UBE2E2: variants seen among roughly 807,000 people sequenced by gnomAD.
UBE2E2 encodes the protein ubiquitin conjugating enzyme E2 E2.
UBE2E2 carries 6 observed loss-of-function variants against 24.7 expected under a neutral mutation model. That is an observed-to-expected ratio of 0.24 (90% CI 0.13 to 0.48). The LOEUF (loss-of-function observed/expected upper bound fraction) is 0.48. UBE2E2 is among the 20% of genes least tolerant of loss of function. UBE2E2 has a pLI of 0.99. For missense variants in UBE2E2, 169 were observed against 245.0 expected (o/e 0.69, Z 2.07); for synonymous variants, 104 against 83.6 (o/e 1.24, Z -1.33).
At chr3:23,560,669 T>C (rs1193076899) in intron 5 of UBE2E2, among the ~76,000 whole-genome samples, 2 of 152,090 alleles carry the variant, frequency 1.3e-5, no homozygotes, top group African/African-American at 4.8e-5. Flanking sequence ...TTGAACTAGT[T>C]TACAGTCCCA....
At chr3:23,392,456 T>C (rs1696961346) in intron 3 of UBE2E2, among the ~76,000 whole-genome samples, 2 of 152,058 alleles carry the variant, frequency 1.3e-5, no homozygotes, top group Non-Finnish European at 2.9e-5. Flanking sequence ...TAGCCTTGGG[T>C]GAACTGTTGA....
intron 3 of UBE2E2, among the ~76,000 whole-genome samples, chr3:23,357,539 C>G (rs1695992733): frequency 6.6e-6 from 1 of 152,030 alleles, no homozygotes; most frequent in Non-Finnish European, 1.5e-5. Flanking sequence ...ATCCTACTGT[C>G]TTAAAATGGT....
intron 4 of UBE2E2, among the ~76,000 whole-genome samples, chr3:23,513,965 T>G (rs1483078033): frequency 6.6e-6 from 1 of 152,224 alleles, no homozygotes; most frequent in Non-Finnish European, 1.5e-5. Flanking sequence ...TTCACATCTT[T>G]AACTGTCAGT....
chr3:23,322,738 T>C (rs1434330708), intron 3 of UBE2E2, among the ~76,000 whole-genome samples: 2 of 152,056 alleles, frequency 1.3e-5, no homozygotes, highest in African/African-American at 4.8e-5. Context: ...ACAAAAACCA[T>C]AATACTTCCA....
intron 3 of UBE2E2, among the ~76,000 whole-genome samples, 197 bp downstream of exon 3, chr3:23,217,509 G>C (rs1343558652): frequency 6.6e-6 from 1 of 152,128 alleles, no homozygotes; most frequent in Non-Finnish European, 1.5e-5. Context: ...TATGTTTGTA[G>C]TGGTTGAACG....
chr3:23,380,479 A>G (rs1055729791), intron 3 of UBE2E2, among the ~76,000 whole-genome samples: 1 of 152,058 alleles, frequency 6.6e-6, no homozygotes, highest in African/African-American at 2.4e-5. Flanking sequence ...TCCCGCCTCC[A>G]CCTGCCAGTG....
chr3:23,319,468 C>A (rs1321771639), intron 3 of UBE2E2, among the ~76,000 whole-genome samples: 2 of 152,044 alleles, frequency 1.3e-5, no homozygotes, highest in Non-Finnish European at 2.9e-5. Flanking sequence ...GATTGTGTGC[C>A]AGATACTATT....
At chr3:23,427,074 C>T (rs1697943390) in intron 3 of UBE2E2, among the ~76,000 whole-genome samples, 1 of 151,732 alleles carries the variant, frequency 6.6e-6, no homozygotes. Flanking sequence ...AAGTAGGCTT[C>T]GATTAGTTTT....
intron 5 of UBE2E2, among the ~76,000 whole-genome samples, chr3:23,568,065 A>G (rs1185967750): frequency 6.6e-6 from 1 of 152,208 alleles, no homozygotes; most frequent in Non-Finnish European, 1.5e-5. Context: ...GACAGCACCC[A>G]TGTGACTCAC....
At chr3:23,228,354 T>G (rs768444151) in intron 3 of UBE2E2, among the ~76,000 whole-genome samples, 4 of 152,178 alleles carry the variant, frequency 2.6e-5, no homozygotes, top group Non-Finnish European at 5.9e-5. Flanking sequence ...CAGAACATTT[T>G]ATTATTGAGT....
intron 3 of UBE2E2, among the ~76,000 whole-genome samples, chr3:23,381,708 G>C (rs1696675568): frequency 6.6e-6 from 1 of 152,190 alleles, no homozygotes; most frequent in South Asian, 2.1e-4. Flanking sequence ...AGTAACTGCT[G>C]ATAACTTTTT....
chr3:23,568,007 G>T (rs947860960), intron 5 of UBE2E2, among the ~76,000 whole-genome samples: 1 of 152,152 alleles, frequency 6.6e-6, no homozygotes, highest in Admixed American at 6.6e-5. Flanking sequence ...CAAGGCCTCA[G>T]CCCAAATCAG....
At chr3:23,538,699 A>G (rs13083439) in intron 5 of UBE2E2, among the ~76,000 whole-genome samples, 1 of 152,254 alleles carries the variant, frequency 6.6e-6, no homozygotes, top group Non-Finnish European at 1.5e-5. Flanking sequence ...AAAATCAGGG[A>G]ATATACGTTC....
intron 1 of UBE2E2, chr3:23,204,657 A>C (rs890154908): frequency 9.2e-6 from 9 of 979,246 alleles, no homozygotes; most frequent in South Asian, 4.7e-5. Context: ...TTTTCATATA[A>C]TGCCATACCC....
intron 4 of UBE2E2, among the ~76,000 whole-genome samples, chr3:23,520,829 G>T (rs1257623259): frequency 6.6e-6 from 1 of 152,120 alleles, no homozygotes; most frequent in East Asian, 1.9e-4. Context: ...TCTTTGTAGG[G>T]ACAGGGTCTT....
At chr3:23,403,110 C>T (rs1697271459) in intron 3 of UBE2E2, among the ~76,000 whole-genome samples, 1 of 152,132 alleles carries the variant, frequency 6.6e-6, no homozygotes, top group African/African-American at 2.4e-5. Context: ...ATCAAATTAA[C>T]AAAAGATAAA....
chr3:23,224,141 C>A (rs1696744744), intron 3 of UBE2E2, among the ~76,000 whole-genome samples: 2 of 138,764 alleles, frequency 1.4e-5, no homozygotes, highest in Admixed American at 7.5e-5. Context: ...TCTTGTGGTT[C>A]CATGTAAATT....
At chr3:23,218,297 A>ATAT (rs1696534698) in intron 3 of UBE2E2, among the ~76,000 whole-genome samples, 1 of 152,134 alleles carries the variant, frequency 6.6e-6, no homozygotes, top group Non-Finnish European at 1.5e-5. Context: ...ACAGTTTATA[A>ATAT]ACTTACAGTA....
At chr3:23,237,072 G>A (rs1179643836) in intron 3 of UBE2E2, among the ~76,000 whole-genome samples, 1 of 152,138 alleles carries the variant, frequency 6.6e-6, no homozygotes, top group Non-Finnish European at 1.5e-5. Context: ...ATAGCCTCTT[G>A]GTTAGTTACA....
Sources: gnomAD v4.1 joint callset for allele counts (sites outside exome capture counted in the v4.1 genomes callset) on GRCh38, gnomAD v4.1.1 for gene constraint, MANE v1.5 for transcripts, NCBI Gene and HGNC (gene_info 2026-07-23, HGNC 2026-07-21) for gene names.